Variants in CAMKMT observed in about 807,000 individuals in gnomAD.
The protein encoded by CAMKMT is calmodulin-lysine N-methyltransferase.
Under a neutral mutation model 48.0 loss-of-function variants are expected in CAMKMT, and 53 were observed. The ratio of observed to expected loss-of-function variants is 1.10; its 90% CI spans 0.89 to 1.39. The LOEUF is 1.39. Among genes scored for constraint, CAMKMT ranks in the 40% most tolerant of loss-of-function variants. The pLI, the probability that CAMKMT is intolerant of heterozygous loss-of-function variation, is 0.00. For missense variants in CAMKMT, 428 were observed against 402.7 expected, an observed-to-expected ratio of 1.06 and a Z score of -0.54; for synonymous variants, 165 against 152.3, an observed-to-expected ratio of 1.08 and a Z score of -0.61.
At chr2:44,687,260 A>C (rs1676389505) in intron 3 of CAMKMT, among the ~76,000 whole-genome samples, 1 of 152,226 alleles carries the variant, frequency 6.6e-6, no homozygotes, top group African/African-American at 2.4e-5. Flanking sequence ...TTTTACAATA[A>C]AAGACAAATA....
At chr2:44,629,050 G>A (rs1038690288) in intron 3 of CAMKMT, among the ~76,000 whole-genome samples, 6 of 152,106 alleles carry the variant, frequency 3.9e-5, no homozygotes, top group Non-Finnish European at 7.4e-5. Context: ...TAGTGTTATT[G>A]TCATATTCTA....
At chr2:44,416,787 C>G (rs1463422481) in intron 3 of CAMKMT, among the ~76,000 whole-genome samples, 3 of 151,774 alleles carry the variant, frequency 2.0e-5, no homozygotes, top group Non-Finnish European at 4.4e-5. Flanking sequence ...GTTGGCCAGG[C>G]TGGTCTCTAA....
chr2:44,563,286 A>C (rs567080013), intron 3 of CAMKMT, among the ~76,000 whole-genome samples: 1 of 151,772 alleles, frequency 6.6e-6, no homozygotes, highest in East Asian at 1.9e-4. Context: ...GTACTGTTTT[A>C]TAACCTGACT....
Position 44,391,912 on chromosome 2 carries a change from C to T in CAMKMT, c.376+1607C>T, listed in dbSNP as rs909891620. ...AGGTTTAAGACTTTGGAATGATACT[C>T]ACCTGCATTTGACTTCTGGCTCTGA... On this transcript the variant is annotated intron_variant, in intron 3 of 10. Coordinates refer to ENST00000378494, the MANE Select transcript of CAMKMT (RefSeq NM_024766.5). The T allele has an allele frequency of 2.0e-5, 3 of 152,652 alleles. No homozygotes were observed. In the Admixed American group the frequency reaches 2.0e-4, roughly 10 times the overall value. 9.5% of individuals were successfully genotyped at this position (152,652 alleles called of 1,614,324 possible). A position where few individuals can be genotyped will look rare whatever the true frequency, so the allele number is the denominator to read the frequency against.
intron 3 of CAMKMT, among the ~76,000 whole-genome samples, chr2:44,673,247 G>A (rs1573042916): frequency 6.6e-6 from 1 of 151,888 alleles, no homozygotes; most frequent in East Asian, 1.9e-4. Context: ...TCAATACAAG[G>A]AGACCCCATC....
intron 3 of CAMKMT, among the ~76,000 whole-genome samples, chr2:44,623,276 C>G (rs1353947847): frequency 1.3e-5 from 2 of 152,036 alleles, no homozygotes; most frequent in Non-Finnish European, 2.9e-5. Flanking sequence ...CGTAGGCTGT[C>G]TGTTTACTCT....
In CAMKMT at chr2:44,648,030, G is replaced by C. The variant is rs577972474; in HGVS notation, c.377-56253G>C. On this transcript the variant is annotated intron_variant, in intron 3 of 10. Coordinates refer to ENST00000378494, the MANE Select transcript of CAMKMT (RefSeq NM_024766.5). ...GATTAAAAACCCGAATGAAGAAACA[G>C]TTAAGTAAAAGTTAGCACATCTACA... 2.0e-5 allele frequency among the ~76,000 whole-genome samples: 3 copies of C among 149,984 alleles called. No individual in the cohort carries two copies. In the East Asian group the frequency reaches 5.9e-4, roughly 30 times the overall value.
chr2:44,718,018 C>A (rs1678263020), intron 7 of CAMKMT, among the ~76,000 whole-genome samples: 1 of 152,064 alleles, frequency 6.6e-6, no homozygotes, highest in South Asian at 2.1e-4. Context: ...ATTTTGAGGG[C>A]CCACTTAGGA....
chr2:44,615,220 C>T (rs1017742979), intron 3 of CAMKMT, among the ~76,000 whole-genome samples: 4 of 152,058 alleles, frequency 2.6e-5, no homozygotes, highest in African/African-American at 9.7e-5. Flanking sequence ...TTACTATGCC[C>T]TGCCTGGTTT....
chr2:44,477,405 C>T (rs930752908), intron 3 of CAMKMT, among the ~76,000 whole-genome samples: 11 of 152,104 alleles, frequency 7.2e-5, no homozygotes, highest in Admixed American at 4.6e-4. Flanking sequence ...GTTTGCTAAG[C>T]CCTATTATAA....
At chr2:44,398,542 GTTTC>G (rs1259016218) in intron 3 of CAMKMT, among the ~76,000 whole-genome samples, 8 of 146,786 alleles carry the variant, frequency 5.5e-5, no homozygotes, top group Non-Finnish European at 1.0e-4. Context: ...TTTTACTTCA[GTTTC>G]TTTCTTTTTT....
intron 3 of CAMKMT, among the ~76,000 whole-genome samples, chr2:44,598,969 C>G (rs558873263): frequency 5.5e-4 from 83 of 151,948 alleles, no homozygotes; most frequent in Non-Finnish European, 9.9e-4. Flanking sequence ...AAAAGCATAG[C>G]ATTTTTGTCT....
intron 3 of CAMKMT, among the ~76,000 whole-genome samples, chr2:44,612,899 A>G (rs1671676188): frequency 6.6e-6 from 1 of 152,186 alleles, no homozygotes; most frequent in Non-Finnish European, 1.5e-5. Context: ...ATTGACTTTT[A>G]AAGCCTAAGT....
At chr2:44,619,515 ATAAT>A (rs1427277937) in intron 3 of CAMKMT, among the ~76,000 whole-genome samples, 2 of 152,216 alleles carry the variant, frequency 1.3e-5, no homozygotes, top group Non-Finnish European at 2.9e-5. Flanking sequence ...GTATATATAA[ATAAT>A]TCATGTTTTG....
chr2:44,764,305 C>T (rs934796024), intron 9 of CAMKMT, among the ~76,000 whole-genome samples: 2 of 151,984 alleles, frequency 1.3e-5, no homozygotes, highest in Non-Finnish European at 2.9e-5. Flanking sequence ...TAAGTGAGGG[C>T]GAAGGGGAGA....
intron 3 of CAMKMT, among the ~76,000 whole-genome samples, chr2:44,446,105 C>G (rs538654773): frequency 6.6e-6 from 1 of 151,966 alleles, no homozygotes; most frequent in Non-Finnish European, 1.5e-5. Flanking sequence ...TGCTACCACA[C>G]CCGGCTAATT....
intron 3 of CAMKMT, among the ~76,000 whole-genome samples, chr2:44,700,584 C>T (rs541475471): frequency 3.2e-4 from 49 of 152,112 alleles, no homozygotes; most frequent in South Asian, 2.1e-3. Flanking sequence ...GGGGGAATGC[C>T]GACTGGTGGA....
intron 3 of CAMKMT, among the ~76,000 whole-genome samples, chr2:44,641,528 A>G (rs887290135): frequency 6.8e-6 from 1 of 147,470 alleles, no homozygotes; most frequent in Non-Finnish European, 1.5e-5. Flanking sequence ...GCCAAGTTCC[A>G]TTGTTCAGAA....
At chr2:44,364,255 C>A (rs929628842) in intron 1 of CAMKMT, among the ~76,000 whole-genome samples, 1 of 152,050 alleles carries the variant, frequency 6.6e-6, no homozygotes, top group Non-Finnish European at 1.5e-5. Context: ...ACATGAAGTC[C>A]CCACACGTTC....
Sources: allele counts gnomAD v4.1 joint callset (sites outside exome capture counted in the v4.1 genomes callset), GRCh38; gene constraint gnomAD v4.1.1; transcripts MANE v1.5; gene names NCBI Gene and HGNC (gene_info 2026-07-23, HGNC 2026-07-21).